TLK2: variants seen among roughly 807,000 people sequenced by gnomAD.
The protein encoded by TLK2 is tousled like kinase 2, also known as serine/threonine-protein kinase tousled-like 2.
Under a neutral mutation model 117.3 loss-of-function variants are expected in TLK2, and 6 were observed. The observed-to-expected ratio is 0.05, with a 90% confidence interval of 0.03 to 0.10. The LOEUF (loss-of-function observed/expected upper bound fraction) is 0.10, where lower values mean the gene tolerates loss of function less well. Among genes scored for constraint, TLK2 ranks in the 10% least tolerant of loss-of-function variants. TLK2 has a pLI of 1.00. For missense variants in TLK2, 299 were observed against 901.2 expected, an observed-to-expected ratio of 0.33 and a Z score of 8.56; for synonymous variants, 257 against 316.7, an observed-to-expected ratio of 0.81 and a Z score of 2.00.
At chr17:62,570,732 G>A (rs751745079) in intron 11 of TLK2, among the ~76,000 whole-genome samples, 4 of 152,080 alleles carry the variant, frequency 2.6e-5, no homozygotes, top group Non-Finnish European at 5.9e-5. Context: ...AGGTGTTTTG[G>A]AATCTGTGTC....
At position 62,605,008 on chromosome 17, in the gene TLK2, A is replaced by G. The variant is rs2083171492; in HGVS notation, c.1860-1122A>G. On this transcript the variant is annotated intron_variant, in intron 19 of 21. Coordinates refer to ENST00000346027, the MANE Select transcript of TLK2 (RefSeq NM_006852.6). The stretch of plus-strand genomic sequence containing the variant: ...AGAATTAAGGTTATACTTATCCAAG[A>G]TCATATTTAAGTTATGTATATTAAA... Among the ~76,000 whole-genome samples the G allele has an allele frequency of 1.3e-5, 2 of 151,892 alleles. 1 individual carries two copies. Among genetic ancestry groups the G allele is most frequent in the African/African-American group, 4.8e-5 (2 of 41,368 alleles).
At chr17:62,516,005 A>G (rs1428401516) in intron 2 of TLK2, among the ~76,000 whole-genome samples, 2 of 151,792 alleles carry the variant, frequency 1.3e-5, no homozygotes. Context: ...GCTCACTGCA[A>G]ACTCCTCCTC....
chr17:62,507,162 A>G (rs1354869013), intron 2 of TLK2, among the ~76,000 whole-genome samples: 1 of 151,940 alleles, frequency 6.6e-6, no homozygotes, highest in Admixed American at 6.6e-5. Context: ...TAATCCTAGC[A>G]CTTAGGGAGG....
chr17:62,567,643 C>A lies in TLK2; in HGVS notation c.968+2506C>A, dbSNP rs530323486. On this transcript the variant is annotated intron_variant, in intron 11 of 21. Transcript: ENST00000346027. Reference sequence around the variant, plus strand: ...CTATATCTAATAGCCTCAGAGGTCACAATTCTGCACATGAGAAACTCCAAG... The same window carrying A: ...CTATATCTAATAGCCTCAGAGGTCAAAATTCTGCACATGAGAAACTCCAAG... Among the ~76,000 whole-genome samples the A allele has an allele frequency of 2.6e-5, 4 of 152,282 alleles. No individual in the cohort carries two copies. In the East Asian group the frequency reaches 7.7e-4, roughly 29 times the overall value.
rs376271981 is a variant in TLK2 at position 62,590,006 on chromosome 17, A to G, written c.1460+3780A>G. On this transcript the variant is annotated intron_variant, in intron 16 of 21. Coordinates refer to ENST00000346027, the MANE Select transcript of TLK2 (RefSeq NM_006852.6). ...GTATTTTTAGTAGAGACGGGGTTTC[A>G]CCGTGTTAGCCAGGATGGTCTCGAT... Among the ~76,000 whole-genome samples the G allele has an allele frequency of 8.0e-5, 12 of 149,804 alleles. No individual in the cohort carries two copies. The East Asian group carries it at 1.6e-3, about 21-fold the overall frequency.
intron 1 of TLK2, among the ~76,000 whole-genome samples, chr17:62,479,494 C>T (rs2071349352): frequency 1.3e-5 from 2 of 151,940 alleles, no homozygotes; most frequent in African/African-American, 4.8e-5. Flanking sequence ...GAGGCCCAGG[C>T]GGCCCCGGCC....
intron 15 of TLK2, among the ~76,000 whole-genome samples, chr17:62,581,403 A>T (rs2081209007): frequency 6.7e-6 from 1 of 150,056 alleles, no homozygotes; most frequent in Non-Finnish European, 1.5e-5. Flanking sequence ...TATTATGATT[A>T]GTGCACTACT....
At chr17:62,552,711 C>T (rs569209459) in intron 8 of TLK2, among the ~76,000 whole-genome samples, 18 of 149,758 alleles carry the variant, frequency 1.2e-4, no homozygotes, top group African/African-American at 3.5e-4. Flanking sequence ...AAAGTACCTA[C>T]GCTTTGAAGG....
At position 62,612,760 on chromosome 17, in the gene TLK2, G is replaced by T. The variant is rs1264820254; in HGVS notation, c.*195G>T. 2 of 446,810 alleles carry T rather than the reference G, an allele frequency of 4.5e-6. No homozygotes were observed. The highest frequency in any genetic ancestry group is 7.7e-6 in the Non-Finnish European group (2 of 261,394). 27.7% of individuals were successfully genotyped at this position (446,810 alleles called of 1,614,324 possible). On this transcript the variant is annotated 3_prime_UTR_variant, in exon 22 of 22. Coordinates refer to ENST00000346027, the MANE Select transcript of TLK2 (RefSeq NM_006852.6). ...TGAGGAGAAACCTTGGGCAGCTCCG[G>T]CCAGGCCTTGTAGGAAAAGGCCCCG...
intron 7 of TLK2, among the ~76,000 whole-genome samples, chr17:62,549,002 G>A (rs1049236557): frequency 1.3e-5 from 2 of 151,280 alleles, no homozygotes; most frequent in Non-Finnish European, 3.0e-5. Flanking sequence ...GCCTCCCAAA[G>A]TGCTGGGATT....
At chr17:62,503,160 C>T (rs746514043) in intron 2 of TLK2, among the ~76,000 whole-genome samples, 8 of 150,118 alleles carry the variant, frequency 5.3e-5, no homozygotes, top group South Asian at 2.1e-4. Context: ...CCCAGGTTCA[C>T]GCCATTCTCC....
chr17:62,578,211 T>TA (rs2080956473), intron 13 of TLK2, among the ~76,000 whole-genome samples: 1 of 152,194 alleles, frequency 6.6e-6, no homozygotes, highest in Non-Finnish European at 1.5e-5. Context: ...TAATAGTGGT[T>TA]ATTACATCTC....
At chr17:62,588,726 C>A (rs2081847917) in intron 16 of TLK2, among the ~76,000 whole-genome samples, 1 of 152,114 alleles carries the variant, frequency 6.6e-6, no homozygotes, top group African/African-American at 2.4e-5. Context: ...CTCCACCTTT[C>A]TTTTGAAAGA....
At chr17:62,591,602 A>T (rs764065983) in intron 16 of TLK2, among the ~76,000 whole-genome samples, 2 of 152,192 alleles carry the variant, frequency 1.3e-5, no homozygotes, top group Non-Finnish European at 2.9e-5. Flanking sequence ...AAACGTAAAG[A>T]TGATGAAATG....
chr17:62,602,332 C>A, intron 19 of TLK2, 152 bp downstream of exon 19: 1 of 698,514 alleles, frequency 1.4e-6, no homozygotes, highest in Non-Finnish European at 2.2e-6. Context: ...ACTGTCTTTT[C>A]AACAGTTTGA....
chr17:62,514,895 G>A (rs1238956107), intron 2 of TLK2, among the ~76,000 whole-genome samples: 3 of 152,066 alleles, frequency 2.0e-5, no homozygotes, highest in Non-Finnish European at 4.4e-5. Flanking sequence ...CACCGTGCCC[G>A]GCCCACCATC....
At chr17:62,608,205 C>T (rs2083455760) in intron 21 of TLK2, 57 bp downstream of exon 21, 3 of 1,410,150 alleles carry the variant, frequency 2.1e-6, no homozygotes, top group South Asian at 2.5e-5. Flanking sequence ...TTCTGTATTA[C>T]TTTTTTGGGT....
At chr17:62,577,937 C>T (rs2080929981) in intron 13 of TLK2, among the ~76,000 whole-genome samples, 1 of 152,112 alleles carries the variant, frequency 6.6e-6, no homozygotes, top group Non-Finnish European at 1.5e-5. Flanking sequence ...ATCCCAGCTA[C>T]TCGGGAGGCT....
chr17:62,585,186 T>G (rs1363943273), intron 15 of TLK2, among the ~76,000 whole-genome samples: 1 of 152,256 alleles, frequency 6.6e-6, no homozygotes, highest in Non-Finnish European at 1.5e-5. Flanking sequence ...AGCTGGTTCC[T>G]GCCTCTGGAC....
Sources: gnomAD v4.1 joint callset for allele counts (sites outside exome capture counted in the v4.1 genomes callset) on GRCh38, gnomAD v4.1.1 for gene constraint, MANE v1.5 for transcripts, NCBI Gene and HGNC (gene_info 2026-07-23, HGNC 2026-07-21) for gene names.